The following FUT8 variants were observed in gnomAD, a reference collection of about 807,000 sequenced individuals.
FUT8 encodes fucosyltransferase 8.
A neutral mutation model predicts 71.3 loss-of-function variants in FUT8; 29 were observed. The observed-to-expected ratio is 0.41, with a 90% CI of 0.30 to 0.55. The LOEUF (loss-of-function observed/expected upper bound fraction) is 0.55. FUT8 is among the 20% of genes least tolerant of loss of function. The pLI is 0.34. For missense variants in FUT8, 544 were observed against 702.1 expected, an observed-to-expected ratio of 0.77 and a Z score of 2.55; for synonymous variants, 254 against 239.3, an observed-to-expected ratio of 1.06 and a Z score of -0.57.
intron 9 of FUT8, among the ~76,000 whole-genome samples, chr14:65,730,800 A>G (rs1895943686): frequency 6.6e-6 from 1 of 152,262 alleles, no homozygotes; most frequent in African/African-American, 2.4e-5. Flanking sequence ...AATCATTGAC[A>G]GTCAAAGAAA....
intron 3 of FUT8, among the ~76,000 whole-genome samples, chr14:65,598,945 C>T (rs1332520695): frequency 6.6e-6 from 1 of 152,058 alleles, no homozygotes; most frequent in Non-Finnish European, 1.5e-5. Context: ...CATGCACCAC[C>T]ACGCCTGGCT....
intron 2 of FUT8, among the ~76,000 whole-genome samples, chr14:65,554,459 A>G (rs1885474745): frequency 6.8e-6 from 1 of 147,456 alleles, no homozygotes; most frequent in South Asian, 2.1e-4. Context: ...ATATCTATAG[A>G]TCTATATCTC....
chr14:65,384,535 G>A, the FUT8 span, among the ~76,000 whole-genome samples: 1 of 152,264 alleles, frequency 6.6e-6, no homozygotes, highest in South Asian at 2.1e-4. This position sits in a 1 kb window ranked among gnomAD's most constrained non-coding sequence, Gnocchi z 4.2. Context: ...AATTCTCTAT[G>A]TTACTTTAGC....
Position 65,526,322 on chromosome 14 carries a change from G to A in FUT8, c.-227-35015G>A, listed in dbSNP as rs1033585908. 5.9e-5 allele frequency among the ~76,000 whole-genome samples: 9 copies of A among 152,060 alleles called. No individual in the cohort carries two copies. In the South Asian group the frequency reaches 6.2e-4, roughly 11 times the overall value. On this transcript the variant is annotated intron_variant, in intron 2 of 10. Transcript: ENST00000673929. ...GTACCTTTACCATTATGTAATGGCC[G>A]TCTTTGTGTCTTTTGATCTTTGTTG...
In FUT8 at chr14:65,483,847, C is replaced by T. The variant is rs1022897482; in HGVS notation, c.-228+28129C>T. 6.6e-6 allele frequency among the ~76,000 whole-genome samples: 1 copy of T among 151,964 alleles called. No individual in the cohort carries two copies. Among genetic ancestry groups the T allele is most frequent in the Non-Finnish European group, 1.5e-5 (1 of 68,012 alleles). On this transcript the variant is annotated intron_variant, in intron 2 of 10. Coordinates refer to ENST00000673929, the MANE Select transcript of FUT8 (RefSeq NM_001371533.1). The surrounding 1 kb of genome is among the most constrained non-coding windows in gnomAD (Gnocchi z 4.4). ...TTCTGGTTTCAAGTGATTCTTCTGA[C>T]TCAGCCTCCTGAGTAGCTGAGATTG...
Position 65,654,780 on chromosome 14 carries a change from G to A in FUT8, c.598-14463G>A, listed in dbSNP as rs144562592. On this transcript the variant is annotated intron_variant, in intron 6 of 10. Transcript: ENST00000673929. Reference sequence around the variant, plus strand: ...GGAGCAAATAAAAAACAATAAAGTGGCGTACTTAAATCCCAACATGTCAAT... The same window carrying A: ...GGAGCAAATAAAAAACAATAAAGTGACGTACTTAAATCCCAACATGTCAAT... Among the ~76,000 whole-genome samples the A allele has an allele frequency of 5.3e-4, 81 of 152,008 alleles. 1 individual carries two copies. Among genetic ancestry groups the A allele is most frequent in the African/African-American group, 1.9e-3 (77 of 41,432 alleles).
chr14:65,361,185 GTCTCTAC>G, the FUT8 span, among the ~76,000 whole-genome samples: 4 of 151,450 alleles, frequency 2.6e-5, no homozygotes, highest in East Asian at 7.8e-4. Flanking sequence ...GTGAAACCCC[GTCTCTAC>G]TAAAAATACA....
At chr14:65,700,432 C>T (rs568605668) in intron 7 of FUT8, among the ~76,000 whole-genome samples, 1 of 107,552 alleles carries the variant, frequency 9.3e-6, no homozygotes, top group African/African-American at 3.7e-5. Context: ...GCTTTGTTGC[C>T]CAGGCTGGAG....
intron 1 of FUT8, among the ~76,000 whole-genome samples, chr14:65,442,297 T>A (rs1158828611): frequency 6.6e-6 from 1 of 151,608 alleles, no homozygotes; most frequent in Non-Finnish European, 1.5e-5. Context: ...TGCCTCAGCC[T>A]CCTGAGTAGC....
chr14:65,535,128 CT>C (rs1884215042), intron 2 of FUT8, among the ~76,000 whole-genome samples: 1 of 151,100 alleles, frequency 6.6e-6, no homozygotes, highest in Non-Finnish European at 1.5e-5. Flanking sequence ...TTGAGACAGT[CT>C]CGCTCTGTTG....
At chr14:65,406,557 A>G (rs2065089744), upstream of FUT8, among the ~76,000 whole-genome samples, 2 of 151,698 alleles carry the variant, frequency 1.3e-5, no homozygotes, top group African/African-American at 2.4e-5. Flanking sequence ...TCTTTCTGAG[A>G]TGGAGTCTTG....
chr14:65,502,903 C>G (rs2066668930), intron 2 of FUT8, among the ~76,000 whole-genome samples: 1 of 152,206 alleles, frequency 6.6e-6, no homozygotes, highest in South Asian at 2.1e-4. Flanking sequence ...GCATTTCTAA[C>G]AAGCTCCCAG....
chr14:65,611,207 GCGCGCGCGCGCGCGCGCA>G (rs1952013776), intron 3 of FUT8, among the ~76,000 whole-genome samples: 1 of 2,876 alleles, frequency 3.5e-4, no homozygotes, highest in Non-Finnish European at 1.3e-3. Context: ...ACGCGCGCGC[GCGCGCGCGCGCGCGCGCA>G]CACACACACA....
chr14:65,703,326 G>T (rs1894405392), intron 7 of FUT8, among the ~76,000 whole-genome samples: 1 of 152,100 alleles, frequency 6.6e-6, no homozygotes, highest in South Asian at 2.1e-4. Flanking sequence ...TGCATGCTCT[G>T]TTAGTTAAGG....
At chr14:65,693,767 A>C (rs1418490965) in intron 7 of FUT8, among the ~76,000 whole-genome samples, 1 of 152,242 alleles carries the variant, frequency 6.6e-6, no homozygotes, top group Non-Finnish European at 1.5e-5. Context: ...CAGAATTGGC[A>C]TCATTTGTTC....
intron 2 of FUT8, among the ~76,000 whole-genome samples, chr14:65,507,247 C>G (rs2066749953): frequency 6.6e-6 from 1 of 152,306 alleles, no homozygotes; most frequent in South Asian, 2.1e-4. Flanking sequence ...AGGTTGCCTT[C>G]AACCATGTCT....
At chr14:65,720,890 C>T (rs115437486) in intron 7 of FUT8, among the ~76,000 whole-genome samples, 28 of 152,200 alleles carry the variant, frequency 1.8e-4, no homozygotes, top group African/African-American at 6.5e-4. Context: ...TGTTGCTTGC[C>T]AGTTGGCCTG....
intron 2 of FUT8, among the ~76,000 whole-genome samples, chr14:65,551,548 C>A (rs553258338): frequency 1.3e-5 from 2 of 152,084 alleles, no homozygotes; most frequent in Non-Finnish European, 2.9e-5. Context: ...AGTATTCTTA[C>A]TACAAACACA....
chr14:65,433,767 T>C (rs2065510841), intron 1 of FUT8, among the ~76,000 whole-genome samples: 1 of 149,674 alleles, frequency 6.7e-6, no homozygotes, highest in South Asian at 2.1e-4. Flanking sequence ...ATCTTTTATT[T>C]CTACCTCTCT....
Sources: allele counts gnomAD v4.1 joint callset (sites outside exome capture counted in the v4.1 genomes callset), GRCh38; gene constraint gnomAD v4.1.1; non-coding constraint Gnocchi (gnomAD v3.1); transcripts MANE v1.5; gene names NCBI Gene and HGNC (gene_info 2026-07-23, HGNC 2026-07-21).